The following EPHA6 variants were observed in gnomAD, a reference collection of about 807,000 sequenced individuals.
EPHA6 encodes ephrin type-A receptor 6.
EPHA6 carries 50 observed loss-of-function variants against 112.0 expected under a neutral mutation model. That is an observed-to-expected ratio of 0.45 (90% confidence interval 0.36 to 0.56). The LOEUF (loss-of-function observed/expected upper bound fraction) is 0.56. EPHA6 is among the 20% of genes least tolerant of loss of function. The pLI is 0.00. For synonymous variants in EPHA6, 529 were observed against 490.7 expected, an observed-to-expected ratio of 1.08 and a Z score of -1.03; for missense variants, 1,280 against 1,417.4, an observed-to-expected ratio of 0.90 and a Z score of 1.56.
chr3:97,277,301 G>T (rs934256309), intron 5 of EPHA6, among the ~76,000 whole-genome samples: 1 of 152,114 alleles, frequency 6.6e-6, no homozygotes, highest in African/African-American at 2.4e-5. Context: ...CAGTCAAAGG[G>T]GAGGTGTTCT....
chr3:97,095,172 A>G (rs1322430022), intron 3 of EPHA6, among the ~76,000 whole-genome samples: 1 of 152,058 alleles, frequency 6.6e-6, no homozygotes, highest in Admixed American at 6.6e-5. Flanking sequence ...TAATATTGTT[A>G]AAAAGCATCC....
chr3:97,236,430 T>C lies in EPHA6; in HGVS notation c.1271-7522T>C, dbSNP rs371728311. On this transcript the variant is annotated intron_variant, in intron 4 of 17. Coordinates refer to ENST00000389672, the MANE Select transcript of EPHA6 (RefSeq NM_001080448.3). ...GATGTTTTTCATGTATTTAAATCAATAGAGAAATTGTCTTTTAAAACTATT... is the reference window on the plus strand; with the variant it reads ...GATGTTTTTCATGTATTTAAATCAACAGAGAAATTGTCTTTTAAAACTATT... 2.6e-4 allele frequency among the ~76,000 whole-genome samples: 39 copies of C among 152,168 alleles called. No homozygotes were observed. In the East Asian group the frequency reaches 7.4e-3, roughly 29 times the overall value.
intron 2 of EPHA6, among the ~76,000 whole-genome samples, chr3:96,957,636 C>A (rs1260786767): frequency 6.6e-6 from 1 of 152,106 alleles, no homozygotes; most frequent in African/African-American, 2.4e-5. Flanking sequence ...ATAATCAACT[C>A]ACATTGGAGT....
intron 2 of EPHA6, among the ~76,000 whole-genome samples, chr3:96,950,447 T>C (rs2041477246): frequency 6.6e-6 from 1 of 152,152 alleles, no homozygotes; most frequent in African/African-American, 2.4e-5. Flanking sequence ...GTTGCATTTC[T>C]CTCTCTCATG....
At chr3:97,595,624 A>G (rs566875020) in intron 12 of EPHA6, among the ~76,000 whole-genome samples, 14 of 151,954 alleles carry the variant, frequency 9.2e-5, no homozygotes, top group African/African-American at 3.4e-4. Flanking sequence ...CAGCCTGGGC[A>G]ATAAAAGCGA....
intron 3 of EPHA6, among the ~76,000 whole-genome samples, chr3:97,202,976 A>G (rs2077618315): frequency 6.6e-6 from 1 of 152,114 alleles, no homozygotes; most frequent in African/African-American, 2.4e-5. Context: ...CAAGAACACC[A>G]GTGTGACTGG....
chr3:97,014,924 G>A (rs1042206819), intron 3 of EPHA6, among the ~76,000 whole-genome samples: 1 of 152,140 alleles, frequency 6.6e-6, no homozygotes, highest in African/African-American at 2.4e-5. Context: ...CAGAAGATTA[G>A]CATATCAAGG....
At chr3:97,425,226 G>T (rs2089013057) in intron 6 of EPHA6, among the ~76,000 whole-genome samples, 1 of 152,226 alleles carries the variant, frequency 6.6e-6, no homozygotes, top group Non-Finnish European at 1.5e-5. Context: ...CCCCACTGGG[G>T]ACTCTGTGTG....
chr3:97,622,536 C>T (rs948734945), intron 13 of EPHA6, among the ~76,000 whole-genome samples: 4 of 151,802 alleles, frequency 2.6e-5, no homozygotes, highest in East Asian at 1.9e-4. Context: ...TTAGCTATTG[C>T]GAAGAATGCT....
chr3:96,849,209 A>T (rs981173676), intron 1 of EPHA6, among the ~76,000 whole-genome samples: 12 of 152,142 alleles, frequency 7.9e-5, no homozygotes, highest in Admixed American at 5.9e-4. Flanking sequence ...TTAGGTCTTA[A>T]ATATTATAAA....
At chr3:96,833,611 C>T (rs1052814603) in intron 1 of EPHA6, among the ~76,000 whole-genome samples, 5 of 151,954 alleles carry the variant, frequency 3.3e-5, no homozygotes, top group East Asian at 1.9e-4. Flanking sequence ...GTGGATATAT[C>T]ATCTCTTAGA....
intron 2 of EPHA6, among the ~76,000 whole-genome samples, chr3:96,896,222 C>A (rs1408543841): frequency 1.3e-5 from 2 of 152,072 alleles, no homozygotes; most frequent in East Asian, 3.9e-4. Context: ...TCATTTATAA[C>A]ATTAACATCT....
chr3:97,395,668 A>G (rs2086656453), intron 5 of EPHA6, among the ~76,000 whole-genome samples: 1 of 151,624 alleles, frequency 6.6e-6, no homozygotes, highest in Non-Finnish European at 1.5e-5. Flanking sequence ...TTCTTTATTG[A>G]CATTTCATTG....
At chr3:97,266,543 C>T (rs575828045) in intron 5 of EPHA6, among the ~76,000 whole-genome samples, 12 of 152,148 alleles carry the variant, frequency 7.9e-5, no homozygotes, top group Non-Finnish European at 1.6e-4. Context: ...GCCCAGACAA[C>T]TGGTCCCAGG....
rs145674715 is a variant in EPHA6, at chr3:96,951,036, G to A, written c.451-36294G>A. On this transcript the variant is annotated intron_variant, in intron 2 of 17. Coordinates refer to ENST00000389672, the MANE Select transcript of EPHA6 (RefSeq NM_001080448.3). ...ACTTAGTTAAGAACTGATATTCAGC[G>A]TTGGCAGTGGAATTATGATAGTAAA... 1.1e-3 allele frequency among the ~76,000 whole-genome samples: 169 copies of A among 151,724 alleles called. 1 individual carries two copies. Among genetic ancestry groups the A allele is most frequent in the East Asian group, 2.1e-3 (11 of 5,166 alleles).
chr3:97,192,953 G>C (rs1160248635), intron 3 of EPHA6, among the ~76,000 whole-genome samples: 1 of 152,034 alleles, frequency 6.6e-6, no homozygotes. Flanking sequence ...CACTGTAGCA[G>C]TACGAATTTA....
chr3:96,994,382 T>C (rs750715168), intron 3 of EPHA6, among the ~76,000 whole-genome samples: 7 of 152,114 alleles, frequency 4.6e-5, no homozygotes, highest in Non-Finnish European at 8.8e-5. Flanking sequence ...TTCTACTTAA[T>C]GTCAGACTTT....
At chr3:97,214,681 T>G (rs1335723376) in intron 3 of EPHA6, among the ~76,000 whole-genome samples, 2 of 152,094 alleles carry the variant, frequency 1.3e-5, no homozygotes, top group African/African-American at 4.8e-5. Context: ...TTTCAAAACA[T>G]ATTTCAGAAA....
intron 14 of EPHA6, chr3:97,648,472 C>T (rs2094084104): frequency 1.5e-6 from 2 of 1,297,122 alleles, no homozygotes; most frequent in East Asian, 6.0e-5. Flanking sequence ...TCTCCTTCAC[C>T]TAATTTAGGT....
Sources: gnomAD v4.1 joint callset for allele counts (sites outside exome capture counted in the v4.1 genomes callset) on GRCh38, gnomAD v4.1.1 for gene constraint, MANE v1.5 for transcripts, NCBI Gene and HGNC (gene_info 2026-07-23, HGNC 2026-07-21) for gene names.